Variants in SOX5 observed in about 807,000 individuals in gnomAD.
The protein encoded by SOX5 is transcription factor SOX-5.
In SOX5, 9 loss-of-function variants were observed where a neutral mutation model predicts 92.0. That is an observed-to-expected ratio of 0.10 (90% CI 0.06 to 0.17). SOX5 has a LOEUF of 0.17. Among genes scored for constraint, SOX5 ranks in the 10% least tolerant of loss-of-function variants. The pLI is 1.00. For missense variants in SOX5, 642 were observed against 944.5 expected (o/e 0.68, Z 4.20); for synonymous variants, 344 against 336.3 (o/e 1.02, Z -0.25).
chr12:24,466,761 G>C (rs1157920037), intron 1 of SOX5, among the ~76,000 whole-genome samples: 1 of 152,034 alleles, frequency 6.6e-6, no homozygotes, highest in African/African-American at 2.4e-5. Context: ...AACAGTTTGT[G>C]GGCTCCTACA....
rs139036344 is a variant in SOX5 at position 24,462,577 on chromosome 12, T to C, written c.-250-93938A>G. On this transcript the variant is annotated intron_variant, in intron 1 of 4. Transcript: ENST00000446891. Reference sequence around the variant, plus strand: ...GCTAATAGGAAAACTTCAGTTTTCCTACCTCTGCTTCTATAATCCCTAGTA... The same window carrying C: ...GCTAATAGGAAAACTTCAGTTTTCCCACCTCTGCTTCTATAATCCCTAGTA... Among the ~76,000 whole-genome samples the C allele has an allele frequency of 3.8e-3, 579 of 152,338 alleles. 5 individuals carry two copies. The highest frequency in any genetic ancestry group is 0.013 in the African/African-American group (539 of 41,572).
At chr12:23,928,458 T>C (rs1487764546) in intron 1 of SOX5, among the ~76,000 whole-genome samples, 1 of 152,020 alleles carries the variant, frequency 6.6e-6, no homozygotes, top group Non-Finnish European at 1.5e-5. Context: ...ACCTAATGCC[T>C]TTAGTATCAT....
At chr12:24,157,297 C>A (rs991244576) in intron 4 of SOX5, among the ~76,000 whole-genome samples, 123 of 152,142 alleles carry the variant, frequency 8.1e-4, no homozygotes, top group African/African-American at 2.9e-3. Flanking sequence ...CCCAGAATTG[C>A]ATACAATTAT....
chr12:24,073,389 C>A (rs1942060519), intron 4 of SOX5, among the ~76,000 whole-genome samples: 1 of 152,182 alleles, frequency 6.6e-6, no homozygotes, highest in Non-Finnish European at 1.5e-5. Context: ...ACCCCATGGA[C>A]AATCTTGACT....
chr12:23,620,250 G>T (rs944650317), intron 8 of SOX5, among the ~76,000 whole-genome samples: 1 of 152,054 alleles, frequency 6.6e-6, no homozygotes, highest in African/African-American at 2.4e-5. Context: ...GCAGTGCAGT[G>T]GGAGAGATGT....
intron 1 of SOX5, among the ~76,000 whole-genome samples, chr12:24,479,578 C>T (rs761439570): frequency 6.6e-6 from 1 of 152,122 alleles, no homozygotes; most frequent in Non-Finnish European, 1.5e-5. Flanking sequence ...AATACTCGCA[C>T]ATATTATAAT....
At chr12:24,460,642 T>C (rs923231350) in intron 1 of SOX5, 1 of 152,224 alleles carries the variant, frequency 6.6e-6, no homozygotes, top group Non-Finnish European at 1.5e-5. Context: ...TTTCACATCA[T>C]GAGGAATAAT....
chr12:23,897,023 T>C (rs2097184317), intron 1 of SOX5, among the ~76,000 whole-genome samples: 3 of 152,144 alleles, frequency 2.0e-5, no homozygotes, highest in African/African-American at 4.8e-5. Flanking sequence ...ATTATTCCCA[T>C]AGAAATAATG....
intron 7 of SOX5, among the ~76,000 whole-genome samples, chr12:23,656,408 G>T (rs2082310430): frequency 6.6e-6 from 1 of 151,988 alleles, no homozygotes; most frequent in Non-Finnish European, 1.5e-5. Flanking sequence ...AATGGAACTG[G>T]TTACATGAAA....
At chr12:24,104,776 G>A (rs1946489503) in intron 4 of SOX5, among the ~76,000 whole-genome samples, 1 of 152,212 alleles carries the variant, frequency 6.6e-6, no homozygotes, top group African/African-American at 2.4e-5. Flanking sequence ...TCAGAGCACT[G>A]GCCTATCTTG....
At chr12:24,013,505 C>T (rs1953209517) in intron 4 of SOX5, among the ~76,000 whole-genome samples, 1 of 152,134 alleles carries the variant, frequency 6.6e-6, no homozygotes, top group Non-Finnish European at 1.5e-5. Context: ...CAAGAGTAAC[C>T]TGGTTTCCCA....
intron 1 of SOX5, among the ~76,000 whole-genome samples, chr12:23,939,530 C>A (rs889370507): frequency 6.6e-6 from 1 of 150,896 alleles, no homozygotes; most frequent in Non-Finnish European, 1.5e-5. Context: ...TTCCTGTTAT[C>A]TCAAATACAT....
intron 1 of SOX5, among the ~76,000 whole-genome samples, chr12:24,528,439 A>T (rs749585897): frequency 7.9e-5 from 12 of 152,246 alleles, no homozygotes; most frequent in Non-Finnish European, 1.5e-4. Context: ...TGAAAAGTTG[A>T]AAGAGTATCC....
chr12:23,953,820 A>G (rs529766266), upstream of SOX5, among the ~76,000 whole-genome samples: 85 of 152,170 alleles, frequency 5.6e-4, 2 homozygotes, highest in South Asian at 0.017. Flanking sequence ...ACCCAATAAA[A>G]GTTTTACATT....
chr12:23,794,276 C>A (rs560077593), intron 3 of SOX5, among the ~76,000 whole-genome samples: 13 of 151,856 alleles, frequency 8.6e-5, no homozygotes, highest in African/African-American at 3.1e-4. Context: ...CTTAAATAAA[C>A]GTTTATATAG....
chr12:24,252,113 G>C (rs529840896), intron 3 of SOX5, among the ~76,000 whole-genome samples: 2 of 152,098 alleles, frequency 1.3e-5, no homozygotes, highest in African/African-American at 4.8e-5. Context: ...GGAAAAGAAA[G>C]ACATCTCCTA....
chr12:23,603,268 T>C (rs900961614), intron 9 of SOX5, among the ~76,000 whole-genome samples: 5 of 151,650 alleles, frequency 3.3e-5, no homozygotes, highest in African/African-American at 1.2e-4. Context: ...TAGAGAAAGA[T>C]TTTTTGAGGA....
intron 1 of SOX5, among the ~76,000 whole-genome samples, chr12:24,550,405 C>T (rs1011722278): frequency 6.6e-6 from 1 of 152,156 alleles, no homozygotes; most frequent in Non-Finnish European, 1.5e-5. Flanking sequence ...CTAGCTTCTG[C>T]TCTGGACTCA....
chr12:24,215,675 C>T (rs1338601261), intron 3 of SOX5, among the ~76,000 whole-genome samples: 1 of 151,886 alleles, frequency 6.6e-6, no homozygotes, highest in African/African-American at 2.4e-5. Context: ...TAATACTTGC[C>T]AATTAATCTA....
Sources: gnomAD v4.1 joint callset for allele counts (sites outside exome capture counted in the v4.1 genomes callset) on GRCh38, gnomAD v4.1.1 for gene constraint, MANE v1.5 for transcripts, NCBI Gene and HGNC (gene_info 2026-07-23, HGNC 2026-07-21) for gene names.